ADRA1A: variants seen among roughly 807,000 people sequenced by gnomAD.
ADRA1A encodes adrenoceptor alpha 1A.
In ADRA1A, 31 loss-of-function variants were observed where a neutral mutation model predicts 29.6. That is an observed-to-expected ratio of 1.05 (90% CI 0.79 to 1.41). ADRA1A has a LOEUF of 1.41. ADRA1A is among the 40% of genes most tolerant of loss of function. ADRA1A has a pLI of 0.00. For synonymous variants in ADRA1A, 311 were observed against 254.3 expected, an observed-to-expected ratio of 1.22 and a Z score of -2.12; for missense variants, 619 against 601.1, an observed-to-expected ratio of 1.03 and a Z score of -0.31.
intron 2 of ADRA1A, among the ~76,000 whole-genome samples, chr8:26,820,619 C>T (rs568170553): frequency 1.3e-5 from 2 of 152,296 alleles, no homozygotes; most frequent in South Asian, 4.1e-4. Flanking sequence ...GCACCTTACA[C>T]TTTCTCACCT....
chr8:26,823,571 G>T lies in ADRA1A; in HGVS notation c.883+40516C>A, dbSNP rs563291035. 6.6e-6 allele frequency among the ~76,000 whole-genome samples: 1 copy of T among 152,326 alleles called. No individual in the cohort carries two copies. Among genetic ancestry groups the T allele is most frequent in the South Asian group, 2.1e-4 (1 of 4,824 alleles). On this transcript the variant is annotated intron_variant, in intron 2 of 2. Coordinates refer to ENST00000380573, the MANE Select transcript of ADRA1A (RefSeq NM_000680.4). The surrounding 1 kb of genome is among the most constrained non-coding windows in gnomAD (Gnocchi z 4.2). ...TGGGACAAATGCACTGGTTCGGGGA[G>T]CGCTGGGCTAAGGATCAGGCTGCTT...
intron 2 of ADRA1A, among the ~76,000 whole-genome samples, chr8:26,832,623 A>T (rs900705516): frequency 1.3e-5 from 2 of 152,140 alleles, no homozygotes; most frequent in African/African-American, 4.8e-5. Flanking sequence ...AAAAAAGAAA[A>T]GAAAATGAGA....
In ADRA1A at chr8:26,864,127, G is replaced by T. The variant is rs1307815039; in HGVS notation, c.843C>A (p.Phe281Leu). 3 of 1,614,002 alleles carry T rather than the reference G, an allele frequency of 1.9e-6. No individual in the cohort carries two copies. The highest frequency in any genetic ancestry group is 3.3e-5 in the Admixed American group (2 of 59,998). The change falls in exon 2 of 3, where the codon TTC becomes TTA. Residue 281 changes from phenylalanine to leucine, a missense_variant. Physicochemically the swap from Phe to Leu is conservative, Grantham distance 22. Coordinates refer to ENST00000380573, the MANE Select transcript of ADRA1A (RefSeq NM_000680.4). This position sits in a 1 kb window ranked among gnomAD's most constrained non-coding sequence, Gnocchi z 8.1. ...AGAAAAAAGGCAGCCAGCAGAGGAC[G>T]AAGCAGCCGACCACGATGCCCAGCG... ...AKTLGIVVGC[F>L]VLCWLPFFLV...
chr8:26,780,518 A>T (rs1806893612), intron 2 of ADRA1A, among the ~76,000 whole-genome samples: 1 of 152,162 alleles, frequency 6.6e-6, no homozygotes, highest in African/African-American at 2.4e-5. Flanking sequence ...TCTGTCTTCA[A>T]GGCTGTTTTC....
At chr8:26,855,228 T>TGTGTGTGC (rs1180542049) in intron 2 of ADRA1A, among the ~76,000 whole-genome samples, 3 of 151,984 alleles carry the variant, frequency 2.0e-5, no homozygotes, top group Non-Finnish European at 4.4e-5. Flanking sequence ...TGTGTGTGTG[T>TGTGTGTGC]GTGTGCATGT....
downstream of ADRA1A, among the ~76,000 whole-genome samples, chr8:26,752,258 G>A (rs116146294): frequency 7.9e-4 from 121 of 152,332 alleles, no homozygotes; most frequent in African/African-American, 2.9e-3. Context: ...TTTTATAGAT[G>A]AGCTTGAGGA....
In ADRA1A at chr8:26,848,665, T is replaced by C. The variant is rs758472772; in HGVS notation, c.883+15422A>G. ...CAGCCTGAGCTGACAAGTCTACCGC[T>C]TGACATCACACACATCCTCAGGTGT... On this transcript the variant is annotated intron_variant, in intron 2 of 2. Coordinates refer to ENST00000380573, the MANE Select transcript of ADRA1A (RefSeq NM_000680.4). The surrounding 1 kb of genome is among the most constrained non-coding windows in gnomAD (Gnocchi z 4.3). Among the ~76,000 whole-genome samples, 4 of 152,210 alleles carry C rather than the reference T, an allele frequency of 2.6e-5. No individual in the cohort carries two copies. Among genetic ancestry groups the C allele is most frequent in the Non-Finnish European group, 5.9e-5 (4 of 68,042 alleles).
At chr8:26,801,894 A>T (rs564034404) in intron 2 of ADRA1A, among the ~76,000 whole-genome samples, 5 of 152,290 alleles carry the variant, frequency 3.3e-5, no homozygotes, top group African/African-American at 7.2e-5. Context: ...ATAAAAACAG[A>T]CATACAGACA....
chr8:26,820,967 G>C lies in ADRA1A; in HGVS notation c.883+43120C>G, dbSNP rs146207721. Among the ~76,000 whole-genome samples, 156 of 152,144 alleles carry C rather than the reference G, an allele frequency of 1.0e-3. No individual in the cohort carries two copies. The Middle Eastern group carries it at 0.014, about 13-fold the overall frequency. On this transcript the variant is annotated intron_variant, in intron 2 of 2. Transcript: ENST00000380573. Reference sequence around the variant, plus strand: ...AGCAGTGGTGCCATCTTAGCTCACTGCAACTTCCACCTCCTGGGTTCAAGC... The same window carrying C: ...AGCAGTGGTGCCATCTTAGCTCACTCCAACTTCCACCTCCTGGGTTCAAGC...
In ADRA1A at chr8:26,777,029, A is replaced by G. The variant is rs60598623; in HGVS notation, c.884-6363T>C. On this transcript the variant is annotated intron_variant, in intron 2 of 2. Transcript: ENST00000380573. ...CCAGACCCAATGGCTCCTTCTTACC[A>G]GGAAGAAAACTGCCCCATCAAATTA... 3.5e-4 allele frequency among the ~76,000 whole-genome samples: 54 copies of G among 152,296 alleles called. No individual in the cohort carries two copies. The East Asian group carries it at 0.01, about 28-fold the overall frequency.
rs1806021763 is a variant in ADRA1A at position 26,770,081 on chromosome 8, T to C, written c.*68A>G. The C allele has an allele frequency of 6.6e-7, 1 of 1,514,160 alleles. No homozygotes were observed. The highest frequency in any genetic ancestry group is 1.4e-5 in the South Asian group (1 of 73,538). 93.8% of individuals were successfully genotyped at this position (1,514,160 alleles called of 1,614,324 possible). ...TCCTGTCTTGTCCTCCAAGAAGAGC[T>C]GGCCTTCCGAGAAGGAAGTGGGGTG... is the stretch of plus-strand genomic sequence containing the variant. On this transcript the variant is annotated 3_prime_UTR_variant, in exon 3 of 3. Transcript: ENST00000380573.
At chr8:26,818,964 G>A (rs887882483) in intron 2 of ADRA1A, among the ~76,000 whole-genome samples, 1 of 152,128 alleles carries the variant, frequency 6.6e-6, no homozygotes, top group African/African-American at 2.4e-5. Flanking sequence ...AACTTAGAAA[G>A]GATGTGGACA....
chr8:26,816,573 C>A (rs1324612465), intron 2 of ADRA1A, among the ~76,000 whole-genome samples: 1 of 128,362 alleles, frequency 7.8e-6, no homozygotes, highest in Non-Finnish European at 1.8e-5. Flanking sequence ...GTGTGTGCAT[C>A]CACATTGTGT....
At chr8:26,752,076 T>C (rs1232789815), downstream of ADRA1A, among the ~76,000 whole-genome samples, 1 of 149,152 alleles carries the variant, frequency 6.7e-6, no homozygotes, top group African/African-American at 2.5e-5. Flanking sequence ...GGCAATTTTG[T>C]TTTTTTTTTC....
chr8:26,752,785 C>G (rs1055983916), downstream of ADRA1A, among the ~76,000 whole-genome samples: 1 of 152,142 alleles, frequency 6.6e-6, no homozygotes, highest in South Asian at 2.1e-4. Flanking sequence ...CACAAAAACC[C>G]CCTAGCAAGA....
intron 2 of ADRA1A, among the ~76,000 whole-genome samples, chr8:26,808,673 G>C (rs1240777163): frequency 6.6e-6 from 1 of 152,192 alleles, no homozygotes; most frequent in Non-Finnish European, 1.5e-5. Context: ...AGTATACACT[G>C]AGATGTCACA....
intron 2 of ADRA1A, among the ~76,000 whole-genome samples, chr8:26,811,338 G>A (rs1280028688): frequency 1.3e-5 from 2 of 152,140 alleles, no homozygotes; most frequent in African/African-American, 4.8e-5. Flanking sequence ...GACTACAGGC[G>A]CCTGCCACCA....
rs149579295 is a variant in ADRA1A at position 26,785,094 on chromosome 8, T to A, written c.884-14428A>T. Among the ~76,000 whole-genome samples, 70 of 152,290 alleles carry A rather than the reference T, an allele frequency of 4.6e-4. 1 individual carries two copies. The East Asian group carries it at 0.013, about 29-fold the overall frequency. The stretch of plus-strand genomic sequence containing the variant: ...AGTTGATTGTTTTTTGAATGTTGAA[T>A]GAATGAATGTTGAATGAATGAAAAA... On this transcript the variant is annotated intron_variant, in intron 2 of 2. Coordinates refer to ENST00000380573, the MANE Select transcript of ADRA1A (RefSeq NM_000680.4).
At chr8:26,797,798 G>C (rs1235061932) in intron 2 of ADRA1A, among the ~76,000 whole-genome samples, 13 of 152,186 alleles carry the variant, frequency 8.5e-5, no homozygotes, top group East Asian at 3.9e-4. Context: ...GGAGAAGGGG[G>C]ATTCAAGAGG....
Sources: allele counts gnomAD v4.1 joint callset (sites outside exome capture counted in the v4.1 genomes callset), GRCh38; gene constraint gnomAD v4.1.1; non-coding constraint Gnocchi (gnomAD v3.1); transcripts MANE v1.5; gene names NCBI Gene and HGNC (gene_info 2026-07-23, HGNC 2026-07-21).